Variants in BASP1 observed in about 807,000 individuals in gnomAD.
BASP1 encodes brain acid soluble protein 1.
A neutral mutation model predicts 2.2 loss-of-function variants in BASP1; 1 was observed. The observed-to-expected ratio is 0.46, with a 90% CI of 0.16 to 2.17. The LOEUF (loss-of-function observed/expected upper bound fraction) is 2.17, where lower values mean the gene tolerates loss of function less well. BASP1 is among the 30% of genes most tolerant of loss of function. The pLI is 0.27. For missense variants in BASP1, 352 were observed against 327.2 expected (o/e 1.08, Z -0.58); for synonymous variants, 187 against 154.2 (o/e 1.21, Z -1.58).
chr5:17,258,490 A>G (rs371774905), intron 1 of BASP1, among the ~76,000 whole-genome samples: 21 of 152,330 alleles, frequency 1.4e-4, no homozygotes, highest in African/African-American at 5.1e-4. Context: ...ATCTTGGGAA[A>G]GAGATAACAC....
chr5:17,267,382 T>C (rs970041258), intron 1 of BASP1, among the ~76,000 whole-genome samples: 2 of 152,234 alleles, frequency 1.3e-5, no homozygotes, highest in South Asian at 4.1e-4. Flanking sequence ...AGCCATTCCA[T>C]CCTGACTCAT....
In BASP1 at chr5:17,275,581, C is replaced by T; in HGVS notation, c.365C>T (p.Ala122Val). 1 of 1,404,604 alleles carries T rather than the reference C, an allele frequency of 7.1e-7. No homozygotes were observed. The highest frequency in any genetic ancestry group is 9.2e-7 in the Non-Finnish European group (1 of 1,083,654). The allele number at this position is 1,404,604 out of a possible 1,614,324, so 87.0% of individuals were successfully genotyped here. ...GCTGCGGGCGGCGAGGCCCCCAAAG[C>T]TGCTGAGGCCGCCGCGGCCCCGGCC... Reference protein sequence around the residue: ...GPAAGGEAPKAAEAAAAPAES... With the variant: ...GPAAGGEAPKVAEAAAAPAES... Residue 122 changes from alanine to valine, a missense_variant, in exon 2 of 2, where the codon GCT (alanine) becomes GTT (valine). Ala to Val is a moderately conservative substitution (Grantham distance 64, BLOSUM62 0). Coordinates refer to ENST00000322611, the MANE Select transcript of BASP1 (RefSeq NM_006317.5). This position sits in a 1 kb window ranked among gnomAD's most constrained non-coding sequence, Gnocchi z 5.3.
At chr5:17,239,392 C>T (rs1224828037) in intron 1 of BASP1, among the ~76,000 whole-genome samples, 2 of 152,198 alleles carry the variant, frequency 1.3e-5, no homozygotes, top group Non-Finnish European at 2.9e-5. Flanking sequence ...TGCACCCGGC[C>T]CAGCTCTTTC....
At chr5:17,235,890 T>G (rs1739732296) in intron 1 of BASP1, among the ~76,000 whole-genome samples, 2 of 152,226 alleles carry the variant, frequency 1.3e-5, no homozygotes, top group Admixed American at 1.3e-4. Context: ...TTTGTTTTCC[T>G]AGACCTTCAG....
intron 1 of BASP1, among the ~76,000 whole-genome samples, chr5:17,270,718 T>C (rs2126520730): frequency 6.6e-6 from 1 of 152,310 alleles, no homozygotes; most frequent in South Asian, 2.1e-4. Context: ...CAGCAAAGAA[T>C]TATCTAAGAA....
intron 1 of BASP1, among the ~76,000 whole-genome samples, chr5:17,235,630 G>T (rs1739727669): frequency 6.6e-6 from 1 of 152,052 alleles, no homozygotes; most frequent in Non-Finnish European, 1.5e-5. Context: ...CGTTACTTTT[G>T]CTCAAAAGTG....
intron 1 of BASP1, among the ~76,000 whole-genome samples, chr5:17,219,295 GA>G (rs1444435236): frequency 2.6e-5 from 4 of 152,188 alleles, no homozygotes; most frequent in Admixed American, 2.6e-4. Context: ...CTCCCGAGCC[GA>G]GGAACAAAGG....
intron 1 of BASP1, among the ~76,000 whole-genome samples, chr5:17,226,141 G>A (rs1419831630): frequency 6.6e-6 from 1 of 152,160 alleles, no homozygotes; most frequent in African/African-American, 2.4e-5. Flanking sequence ...CAATTAATAG[G>A]TAACTTTTAT....
Position 17,251,198 on chromosome 5 carries a change from GATT to G in BASP1, c.-9-24007_-9-24005del, listed in dbSNP as rs1374271566. The stretch of plus-strand genomic sequence containing the variant: ...CATGTACCCCCAAAATATATAATGT[GATT>G]ATATGTCAATACAAAACCATTAAAT... On this transcript the variant is annotated intron_variant, in intron 1 of 1. Coordinates refer to ENST00000322611, the MANE Select transcript of BASP1 (RefSeq NM_006317.5). The surrounding 1 kb of genome is among the most constrained non-coding windows in gnomAD (Gnocchi z 4.0). Among the ~76,000 whole-genome samples the G allele has an allele frequency of 2.0e-5, 3 of 152,044 alleles. No individual in the cohort carries two copies. Among genetic ancestry groups the G allele is most frequent in the Non-Finnish European group, 4.4e-5 (3 of 68,018 alleles).
chr5:17,275,652 G>A lies in BASP1; in HGVS notation c.436G>A (p.Gly146Arg), dbSNP rs1272556380. The A allele has an allele frequency of 6.5e-7, 1 of 1,539,114 alleles. No individual in the cohort carries two copies. Among genetic ancestry groups the A allele is most frequent in the Admixed American group, 2.1e-5 (1 of 47,868 alleles). ...CGGGGAGGAGCCCAGCAAGGAGGAA[G>A]GGGAACCCAAAAAGACTGAGGCGCC... ...AAGEEPSKEE[G>R]EPKKTEAPAA... Residue 146 changes from glycine (G) to arginine (R), a missense_variant, in exon 2 of 2, where the codon GGG (glycine) becomes AGG (arginine). Physicochemically the swap from Gly to Arg is moderately radical, Grantham distance 125. Coordinates refer to ENST00000322611, the MANE Select transcript of BASP1 (RefSeq NM_006317.5). This position sits in a 1 kb window ranked among gnomAD's most constrained non-coding sequence, Gnocchi z 5.3.
rs1384806300 is a variant in BASP1 at position 17,251,207 on chromosome 5, T to A, written c.-9-24001T>A. Among the ~76,000 whole-genome samples the A allele has an allele frequency of 1.3e-5, 2 of 152,116 alleles. No individual in the cohort carries two copies. Among genetic ancestry groups the A allele is most frequent in the African/African-American group, 4.8e-5 (2 of 41,410 alleles). ...CCAAAATATATAATGTGATTATATG[T>A]CAATACAAAACCATTAAATATCCCA... On this transcript the variant is annotated intron_variant, in intron 1 of 1. Transcript: ENST00000322611. This position sits in a 1 kb window ranked among gnomAD's most constrained non-coding sequence, Gnocchi z 4.0.
chr5:17,219,203 T>A (rs992883443), intron 1 of BASP1, among the ~76,000 whole-genome samples: 1 of 152,064 alleles, frequency 6.6e-6, no homozygotes. Context: ...TCCTTTGTCT[T>A]GGCCTCGCGC....
intron 1 of BASP1, among the ~76,000 whole-genome samples, chr5:17,232,741 A>G (rs1739660560): frequency 1.3e-5 from 2 of 151,052 alleles, no homozygotes; most frequent in Admixed American, 1.3e-4. Flanking sequence ...TTGGAGGAGG[A>G]GGTGGGGCAC....
At chr5:17,221,371 T>G (rs1739390735) in intron 1 of BASP1, among the ~76,000 whole-genome samples, 1 of 151,884 alleles carries the variant, frequency 6.6e-6, no homozygotes, top group Non-Finnish European at 1.5e-5. Flanking sequence ...AAATGTTTTT[T>G]TTTTTTTTTT....
intron 1 of BASP1, among the ~76,000 whole-genome samples, chr5:17,266,767 G>A (rs1164358741): frequency 6.9e-6 from 1 of 145,828 alleles, no homozygotes; most frequent in African/African-American, 2.6e-5. Flanking sequence ...AGCCGAGATC[G>A]CGCCACTGCG....
At chr5:17,223,343 T>G (rs1739427324) in intron 1 of BASP1, among the ~76,000 whole-genome samples, 1 of 152,202 alleles carries the variant, frequency 6.6e-6, no homozygotes, top group South Asian at 2.1e-4. Context: ...GTCATGCACT[T>G]AGGACAATGC....
chr5:17,218,110 G>T (rs1739302785), intron 1 of BASP1, among the ~76,000 whole-genome samples: 1 of 152,160 alleles, frequency 6.6e-6, no homozygotes, highest in East Asian at 2.0e-4. Context: ...GTCGGGGAGA[G>T]GAGCTGCGGG....
intron 1 of BASP1, among the ~76,000 whole-genome samples, chr5:17,225,968 A>G (rs1739494777): frequency 6.6e-6 from 1 of 152,224 alleles, no homozygotes; most frequent in Non-Finnish European, 1.5e-5. Context: ...TACTATTGGG[A>G]TGTTTGAAAC....
chr5:17,235,555 C>G (rs1235052112), intron 1 of BASP1, among the ~76,000 whole-genome samples: 1 of 152,158 alleles, frequency 6.6e-6, no homozygotes, highest in African/African-American at 2.4e-5. Context: ...AGCCACCACG[C>G]CTGGCCTGCT....
Sources: gnomAD v4.1 joint callset for allele counts (sites outside exome capture counted in the v4.1 genomes callset) on GRCh38, gnomAD v4.1.1 for gene constraint, Gnocchi (gnomAD v3.1) non-coding constraint, MANE v1.5 for transcripts, NCBI Gene and HGNC (gene_info 2026-07-23, HGNC 2026-07-21) for gene names.